SNAPC5: variants seen among roughly 807,000 people sequenced by gnomAD.
SNAPC5 encodes snRNA-activating protein complex subunit 5.
In SNAPC5, 12 loss-of-function variants were observed where a neutral mutation model predicts 9.1. The ratio of observed to expected loss-of-function variants is 1.32; its 90% confidence interval spans 0.85 to 2.15. SNAPC5 has a LOEUF of 2.15. SNAPC5 is among the 30% of genes most tolerant of loss of function. The pLI is 0.00. For synonymous variants in SNAPC5, 52 were observed against 47.3 expected (o/e 1.10, Z -0.41); for missense variants, 132 against 114.4 (o/e 1.15, Z -0.70).
downstream of SNAPC5, chr15:66,489,922 C>G (rs79240084): frequency 0.011 from 8,084 of 742,808 alleles, 65 homozygotes; most frequent in Middle Eastern, 0.027. Context: ...CTCCTTTGCT[C>G]TCCCATCAGT....
At chr15:66,490,520 A>G, downstream of SNAPC5, 1 of 1,613,702 alleles carries the variant, frequency 6.2e-7, no homozygotes, top group Non-Finnish European at 8.5e-7. Context: ...TTTTATCAAG[A>G]GATCTGATGC....
downstream of SNAPC5, among the ~76,000 whole-genome samples, chr15:66,492,899 A>G (rs1196666664): frequency 6.6e-6 from 1 of 152,338 alleles, no homozygotes; most frequent in East Asian, 1.9e-4. Flanking sequence ...CAAAGAGGTG[A>G]GAAGACAAGT....
rs568885068 is a variant in SNAPC5 at position 66,497,695 on chromosome 15, C to A, written c.37G>T (p.Glu13Ter). Residue 13 changes from glutamate to a stop codon, truncating the protein, a stop_gained, in exon 1 of 3, where the codon GAG (glutamate) becomes TAG (stop). Transcript: ENST00000316634. LOFTEE classifies it high-confidence loss of function. ...SRLQELRKEE[E>*]TLLRLKAALH... Reference sequence around the variant, plus strand: ...GCTGCCTTCAACCGCAGCAGCGTCTCCTCCTCCTTGCGCAGTTCCTGAAGC... The same window carrying A: ...GCTGCCTTCAACCGCAGCAGCGTCTACTCCTCCTTGCGCAGTTCCTGAAGC... The A allele has an allele frequency of 3.1e-6, 5 of 1,613,654 alleles. No homozygotes were observed. The highest frequency in any genetic ancestry group is 4.2e-6 in the Non-Finnish European group (5 of 1,179,968).
At chr15:66,493,330 C>A (rs1893318110), downstream of SNAPC5, 1 of 152,120 alleles carries the variant, frequency 6.6e-6, no homozygotes, top group South Asian at 2.1e-4. Flanking sequence ...AGTAAAAACT[C>A]TTATTCTGTA....
At chr15:66,497,443 A>G in intron 1 of SNAPC5, 199 bp downstream of exon 1, 1 of 618,158 alleles carries the variant, frequency 1.6e-6, no homozygotes. Flanking sequence ...ATTCTGAAAG[A>G]TAGGGCCTAA....
At chr15:66,490,495 C>A, downstream of SNAPC5, 1 of 1,591,806 alleles carries the variant, frequency 6.3e-7, no homozygotes, top group Non-Finnish European at 8.6e-7. Flanking sequence ...CGTTTCCTTA[C>A]ATGCAGGTTC....
At position 66,497,597 on chromosome 15, in the gene SNAPC5, G is replaced by T. The variant is rs140795436; in HGVS notation, c.90+45C>A. On this transcript the variant is annotated intron_variant, in intron 1 of 2. Coordinates refer to ENST00000316634, the MANE Select transcript of SNAPC5 (RefSeq NM_001329615.2). Reference sequence around the variant, plus strand: ...AGGCCCAGGTTGGGGGGAAATGGTCGCTCGGGAGGAATGGAGGAGGGGCAG... The same window carrying T: ...AGGCCCAGGTTGGGGGGAAATGGTCTCTCGGGAGGAATGGAGGAGGGGCAG... The T allele has an allele frequency of 1.6e-4, 242 of 1,557,378 alleles. 2 individuals are homozygous for T. The East Asian group carries it at 5.0e-3, about 32-fold the overall frequency.
downstream of SNAPC5, chr15:66,489,993 G>C (rs1488434312): frequency 9.9e-6 from 6 of 605,276 alleles, no homozygotes; most frequent in Non-Finnish European, 1.8e-5. Context: ...GGAAATGCCT[G>C]AGGGGGCCAT....
downstream of SNAPC5, chr15:66,491,069 A>G (rs1893240572): frequency 2.8e-6 from 1 of 359,616 alleles, no homozygotes; most frequent in Non-Finnish European, 5.2e-6. Context: ...GTGCATGTGA[A>G]GCATGCTTTG....
Position 66,494,216 on chromosome 15 carries a change from A to T in SNAPC5, c.*220T>A. On this transcript the variant is annotated 3_prime_UTR_variant, in exon 3 of 3. Transcript: ENST00000316634. ...ACAGACAGCACCACCCATATTACTC[A>T]ATGCTAAGACACAGCATCTTTGATT... 1.8e-6 allele frequency: 1 copy of T among 543,716 alleles called. No individual in the cohort carries two copies. The highest frequency in any genetic ancestry group is 3.3e-6 in the Non-Finnish European group (1 of 300,348). 33.7% of individuals were successfully genotyped at this position (543,716 alleles called of 1,614,324 possible).
chr15:66,495,785 T>A (rs376103557), intron 1 of SNAPC5, among the ~76,000 whole-genome samples: 3 of 152,166 alleles, frequency 2.0e-5, no homozygotes, highest in Non-Finnish European at 4.4e-5. Context: ...AATGAGAACG[T>A]GAAGGAAAGA....
At chr15:66,495,097 G>A (rs1040701261) in intron 2 of SNAPC5, 8 of 536,042 alleles carry the variant, frequency 1.5e-5, no homozygotes, top group Admixed American at 9.3e-5. Context: ...TGGATGACGA[G>A]GAGGATGGAG....
Position 66,496,102 on chromosome 15 carries a change from T to C in SNAPC5, c.91-683A>G, listed in dbSNP as rs548423636. Among the ~76,000 whole-genome samples, 3 of 152,154 alleles carry C rather than the reference T, an allele frequency of 2.0e-5. No homozygotes were observed. The South Asian group carries it at 6.2e-4, about 32-fold the overall frequency. ...AGGAAAAATGCTTATGATTTTGATA[T>C]GTCACAGGTGTACAATACTTTTCCT... is the stretch of plus-strand genomic sequence containing the variant. On this transcript the variant is annotated intron_variant, in intron 1 of 2. Coordinates refer to ENST00000316634, the MANE Select transcript of SNAPC5 (RefSeq NM_001329615.2).
downstream of SNAPC5, chr15:66,491,089 A>C: frequency 2.8e-6 from 1 of 352,376 alleles, no homozygotes; most frequent in Admixed American, 4.5e-5. Context: ...GCTGCTATGA[A>C]AATGAGCATC....
downstream of SNAPC5, chr15:66,491,145 T>C (rs552268563): frequency 4.5e-5 from 13 of 290,624 alleles, no homozygotes; most frequent in South Asian, 9.1e-4. Flanking sequence ...TTGCTTTTCA[T>C]GTAGAACTCA....
At chr15:66,495,549 G>A in intron 1 of SNAPC5, 130 bp from the exon 2 acceptor site, 1 of 641,244 alleles carries the variant, frequency 1.6e-6, no homozygotes, top group East Asian at 2.7e-5. Flanking sequence ...TGTTGCTCTA[G>A]AGGGAAAGTT....
chr15:66,495,809 G>C (rs780663154), intron 1 of SNAPC5, among the ~76,000 whole-genome samples: 1 of 152,240 alleles, frequency 6.6e-6, no homozygotes, highest in Non-Finnish European at 1.5e-5. Flanking sequence ...ATAGAAAACA[G>C]AGGTGTTTGC....
rs369903330 is a variant in SNAPC5, at chr15:66,497,761, C to T, written c.-30G>A. ...CCTGGTCACATAGCCAACCTCCGGGCTGCTGTCGGCCCGGCACTCGGTGAT... is the reference window on the plus strand; with the variant it reads ...CCTGGTCACATAGCCAACCTCCGGGTTGCTGTCGGCCCGGCACTCGGTGAT... On this transcript the variant is annotated 5_prime_UTR_variant, in exon 1 of 3. Transcript: ENST00000316634. The T allele has an allele frequency of 2.0e-5, 31 of 1,574,378 alleles. No individual in the cohort carries two copies. The highest frequency in any genetic ancestry group is 1.3e-4 in the African/African-American group (10 of 74,220).
intron 2 of SNAPC5, chr15:66,494,867 G>A (rs1893374411): frequency 3.0e-6 from 1 of 334,402 alleles, no homozygotes; most frequent in South Asian, 4.1e-5. Flanking sequence ...TGGGAGAACT[G>A]CTCAAATATT....
Sources: gnomAD v4.1 joint callset for allele counts (sites outside exome capture counted in the v4.1 genomes callset) on GRCh38, gnomAD v4.1.1 for gene constraint, MANE v1.5 for transcripts, NCBI Gene and HGNC (gene_info 2026-07-23, HGNC 2026-07-21) for gene names.